The following ZNF652 variants were observed in gnomAD, a reference collection of about 807,000 sequenced individuals.
ZNF652 encodes the protein zinc finger protein 652.
Under a neutral mutation model 45.2 loss-of-function variants are expected in ZNF652, and 16 were observed. The ratio of observed to expected loss-of-function variants is 0.35; its 90% CI spans 0.24 to 0.54. The LOEUF is 0.54. Among genes scored for constraint, ZNF652 ranks in the 20% least tolerant of loss-of-function variants. ZNF652 has a pLI of 0.91. For missense variants in ZNF652, 614 were observed against 765.6 expected (o/e 0.80, Z 2.34); for synonymous variants, 250 against 260.6 (o/e 0.96, Z 0.39).
chr17:49,313,659 A>T (rs1376582471), intron 2 of ZNF652, among the ~76,000 whole-genome samples: 1 of 152,108 alleles, frequency 6.6e-6, no homozygotes, highest in Non-Finnish European at 1.5e-5. Flanking sequence ...AGAAATATAA[A>T]AATGTTTTTA....
At chr17:49,318,596 C>T (rs975578862) in intron 1 of ZNF652, among the ~76,000 whole-genome samples, 3 of 152,170 alleles carry the variant, frequency 2.0e-5, no homozygotes, top group African/African-American at 4.8e-5. Context: ...TAATATTGCA[C>T]AGCATTCATT....
At chr17:49,353,168 G>T (rs945283580) in intron 1 of ZNF652, among the ~76,000 whole-genome samples, 1 of 152,122 alleles carries the variant, frequency 6.6e-6, no homozygotes, top group Non-Finnish European at 1.5e-5. Flanking sequence ...AAAGCCAGAA[G>T]TACCTATAAA....
intron 1 of ZNF652, among the ~76,000 whole-genome samples, chr17:49,351,042 CACACACACACACAT>C (rs1375220530): frequency 1.5e-4 from 19 of 125,582 alleles, no homozygotes; most frequent in African/African-American, 4.4e-4. Context: ...CACACACACA[CACACACACACACAT>C]ATTTTTATAT....
intron 5 of ZNF652, among the ~76,000 whole-genome samples, chr17:49,306,171 T>A (rs931371613): frequency 1.9e-4 from 29 of 152,206 alleles, no homozygotes; most frequent in African/African-American, 5.8e-4. Flanking sequence ...GTTTGGACAC[T>A]CTGAATAATA....
chr17:49,343,189 A>C (rs977884575), intron 1 of ZNF652, among the ~76,000 whole-genome samples: 7 of 152,150 alleles, frequency 4.6e-5, no homozygotes, highest in Admixed American at 3.9e-4. Flanking sequence ...GCCCACATGT[A>C]ATTCTTAACT....
At chr17:49,347,741 T>G (rs1466017386) in intron 1 of ZNF652, among the ~76,000 whole-genome samples, 2,947 of 20,432 alleles carry the variant, frequency 0.14, 110 homozygotes, top group African/African-American at 0.31. Flanking sequence ...CTTGGTTTTG[T>G]TTTTTTTTTT....
chr17:49,338,145 A>AT (rs772870388), intron 1 of ZNF652, among the ~76,000 whole-genome samples: 5,428 of 142,426 alleles, frequency 0.038, 225 homozygotes, highest in African/African-American at 0.1. Context: ...TGCCTGGCTA[A>AT]TTTTTTTTTT....
intron 1 of ZNF652, among the ~76,000 whole-genome samples, chr17:49,359,984 C>CCTTG (rs1304411684): frequency 6.6e-6 from 1 of 152,162 alleles, no homozygotes; most frequent in Non-Finnish European, 1.5e-5. Flanking sequence ...ATAAAACAGA[C>CCTTG]CTTGGACTTT....
At chr17:49,343,848 A>G (rs751385679) in intron 1 of ZNF652, among the ~76,000 whole-genome samples, 2 of 152,056 alleles carry the variant, frequency 1.3e-5, no homozygotes, top group Non-Finnish European at 2.9e-5. Flanking sequence ...TGAGGCCCAG[A>G]GTTCAAGACC....
At chr17:49,351,021 A>ATATATG (rs2070275061) in intron 1 of ZNF652, among the ~76,000 whole-genome samples, 2 of 71,978 alleles carry the variant, frequency 2.8e-5, no homozygotes, top group Admixed American at 1.6e-4. Context: ...ATATACACAC[A>ATATATG]CACACACACA....
At chr17:49,331,765 T>C (rs1567692236) in intron 1 of ZNF652, among the ~76,000 whole-genome samples, 1 of 152,206 alleles carries the variant, frequency 6.6e-6, no homozygotes, top group Non-Finnish European at 1.5e-5. Context: ...GTGTTATTGT[T>C]TTCTCATTAA....
rs115558365 is a variant in ZNF652, at chr17:49,353,234, T to A, written c.-259+8675A>T. ...GTCTCACCCTGTCACCAGGCTGGCA[T>A]GGAGTGGCATGATTCTGGCTCACTG... On this transcript the variant is annotated intron_variant, in intron 1 of 5. Transcript: ENST00000430262. Among the ~76,000 whole-genome samples the A allele has an allele frequency of 1.2e-3, 184 of 152,316 alleles. 1 individual carries two copies. The highest frequency in any genetic ancestry group is 4.4e-3 in the African/African-American group (181 of 41,560).
At position 49,294,291 on chromosome 17, in the gene ZNF652, A is replaced by G. The variant is rs1285785911; in HGVS notation, c.*4122T>C. Among the ~76,000 whole-genome samples, 1 of 152,204 alleles carries G rather than the reference A, an allele frequency of 6.6e-6. No homozygotes were observed. The highest frequency in any genetic ancestry group is 1.5e-5 in the Non-Finnish European group (1 of 68,030). ...CACTAGAAAAGGATACTTCGAACAA[A>G]TGTGGTTTTAAAAAAATGATGTAAT... is the stretch of plus-strand genomic sequence containing the variant. On this transcript the variant is annotated 3_prime_UTR_variant, in exon 6 of 6. Coordinates refer to ENST00000430262, the MANE Select transcript of ZNF652 (RefSeq NM_001145365.3).
chr17:49,348,535 A>AAAAGT (rs2070235805), intron 1 of ZNF652, among the ~76,000 whole-genome samples: 2 of 125,190 alleles, frequency 1.6e-5, no homozygotes, highest in Admixed American at 1.7e-4. Flanking sequence ...AAAAGAAAAG[A>AAAAGT]AAAGAAAAAC....
chr17:49,304,866 G>A (rs2143729741), intron 5 of ZNF652, among the ~76,000 whole-genome samples: 1 of 123,638 alleles, frequency 8.1e-6, no homozygotes, highest in African/African-American at 3.1e-5. Flanking sequence ...ATACATATAT[G>A]TATATATATG....
At chr17:49,335,305 T>C (rs537583862) in intron 1 of ZNF652, among the ~76,000 whole-genome samples, 83 of 152,328 alleles carry the variant, frequency 5.4e-4, no homozygotes, top group African/African-American at 2.0e-3. Flanking sequence ...CAGATCTGGA[T>C]AGGCTCTATT....
chr17:49,314,780 C>A (rs1470856636), intron 2 of ZNF652, among the ~76,000 whole-genome samples: 1 of 152,172 alleles, frequency 6.6e-6, no homozygotes, highest in East Asian at 1.9e-4. Context: ...CTTCAGGTAA[C>A]AAGAACTCTG....
chr17:49,311,967 T>G lies in ZNF652; in HGVS notation c.1124A>C (p.His375Pro). Residue 375 changes from histidine to proline, a missense_variant, in exon 4 of 6, where the codon CAC (histidine) becomes CCC (proline). Transcript: ENST00000430262. The stretch of plus-strand genomic sequence containing the variant: ...CTTCTCTCCAGAATGCTGCAAGGAG[T>G]GCACCTTGAGTGACATACTGCGTTT... ...SFKRSMSLKV[H>P]SLQHSGEKPF... is the part of the protein sequence containing the mutation. 1.2e-6 allele frequency: 2 copies of G among 1,613,736 alleles called. No individual in the cohort carries two copies. The highest frequency in any genetic ancestry group is 8.5e-7 in the Non-Finnish European group (1 of 1,179,780).
chr17:49,340,411 G>C lies in ZNF652; in HGVS notation c.-259+21498C>G, dbSNP rs186040883. Among the ~76,000 whole-genome samples, 761 of 151,918 alleles carry C rather than the reference G, an allele frequency of 5.0e-3. 7 individuals carry two copies. Among genetic ancestry groups the C allele is most frequent in the African/African-American group, 0.016 (669 of 41,480 alleles). On this transcript the variant is annotated intron_variant, in intron 1 of 5. Coordinates refer to ENST00000430262, the MANE Select transcript of ZNF652 (RefSeq NM_001145365.3). ...TCTCTACTAAATATACAAAAATTAGGTGGGTGTGGTAGCAAATGCCTGTAA... is the reference window on the plus strand; with the variant it reads ...TCTCTACTAAATATACAAAAATTAGCTGGGTGTGGTAGCAAATGCCTGTAA...
Sources: gnomAD v4.1 joint callset for allele counts (sites outside exome capture counted in the v4.1 genomes callset) on GRCh38, gnomAD v4.1.1 for gene constraint, MANE v1.5 for transcripts, NCBI Gene and HGNC (gene_info 2026-07-23, HGNC 2026-07-21) for gene names.